The following INAVA variants were observed in gnomAD, a reference collection of about 807,000 sequenced individuals.
INAVA encodes innate immunity activator protein.
In INAVA, 32 loss-of-function variants were observed where a neutral mutation model predicts 55.3. The ratio of observed to expected loss-of-function variants is 0.58; its 90% CI spans 0.44 to 0.78. INAVA has a LOEUF of 0.78. Among genes scored for constraint, INAVA ranks in the 30% least tolerant of loss-of-function variants. INAVA has a pLI of 0.00. For synonymous variants in INAVA, 294 were observed against 329.4 expected (o/e 0.89, Z 1.16); for missense variants, 756 against 786.4 (o/e 0.96, Z 0.46).
At chr1:200,903,745 G>A (rs12759739) in intron 5 of INAVA, among the ~76,000 whole-genome samples, 4,547 of 149,226 alleles carry the variant, frequency 0.03, 87 homozygotes, top group Non-Finnish European at 0.046. Context: ...CGGAGGTTGC[G>A]GTGAGCCGAG....
At chr1:200,900,846 G>T (rs1653216316) in intron 4 of INAVA, 91 bp from the exon 5 acceptor site, 1 of 955,232 alleles carries the variant, frequency 1.0e-6, no homozygotes, top group Non-Finnish European at 1.5e-6. Context: ...TTAGGACTGG[G>T]ACCTAGAGCA....
At chr1:200,900,465 A>G (rs553705290) in intron 4 of INAVA, among the ~76,000 whole-genome samples, 18 of 152,332 alleles carry the variant, frequency 1.2e-4, no homozygotes, top group Admixed American at 2.0e-4. Context: ...CCCATTGGGC[A>G]GAAGATCAGT....
At position 200,901,121 on chromosome 1, in the gene INAVA, G is replaced by A. The variant is rs972711786; in HGVS notation, c.482G>A (p.Ser161Asn). Residue 161 changes from serine to asparagine, a missense_variant, in exon 5 of 10, where the codon AGC becomes AAC. Ser to Asn is a conservative substitution (Grantham distance 46). Around this residue, in one of 2 missense-constraint regions of INAVA, gnomAD observed 639 missense variants for 624.3 expected, o/e 1.02. Coordinates refer to ENST00000413687, the MANE Select transcript of INAVA (RefSeq NM_001142569.3). ...TGCCTGGTCGAGCGGCGGCGCAATA[G>A]CGAGCCACCTCCGGCTGCTGCTCTC... ...QRCLVERRRN[S>N]EPPPAAALPL... 190 of 1,529,888 alleles carry A rather than the reference G, an allele frequency of 1.2e-4. No homozygotes were observed. The highest frequency in any genetic ancestry group is 1.6e-4 in the Non-Finnish European group (183 of 1,142,508). The allele number at this position is 1,529,888 out of a possible 1,614,324, so 94.8% of individuals were successfully genotyped here. A position where few individuals can be genotyped will look rare whatever the true frequency, so the allele number is the denominator to read the frequency against.
At chr1:200,908,535 G>A (rs1383432537) in intron 6 of INAVA, 195 bp from the exon 7 acceptor site, 4 of 506,662 alleles carry the variant, frequency 7.9e-6, no homozygotes, top group Non-Finnish European at 1.4e-5. Flanking sequence ...ATAAAATAGG[G>A]CTGTGTGGGA....
chr1:200,902,443 T>A (rs1296469427), intron 5 of INAVA, among the ~76,000 whole-genome samples: 1 of 152,218 alleles, frequency 6.6e-6, no homozygotes, highest in African/African-American at 2.4e-5. Context: ...ATGTGACAGT[T>A]AACCCAGTAA....
Position 200,911,441 on chromosome 1 carries a change from T to G in INAVA, c.960-12T>G. On this transcript the variant is annotated splice_polypyrimidine_tract_variant and intron_variant, in intron 8 of 9. Transcript: ENST00000413687. ...CCCCCCACACTCAGAATGCCTCTCT[T>G]TCCCTCTTCAGGGTGGATTCCTTCC... 1 of 1,603,684 alleles carries G rather than the reference T, an allele frequency of 6.2e-7. No individual in the cohort carries two copies. Among genetic ancestry groups the G allele is most frequent in the Non-Finnish European group, 8.5e-7 (1 of 1,172,640 alleles).
At chr1:200,897,419 C>T (rs1240865300) in intron 1 of INAVA, among the ~76,000 whole-genome samples, 3 of 152,168 alleles carry the variant, frequency 2.0e-5, no homozygotes, top group Non-Finnish European at 4.4e-5. Context: ...ACAGTGGCTG[C>T]ACATATCTGC....
At chr1:200,903,557 C>G (rs913290820) in intron 5 of INAVA, among the ~76,000 whole-genome samples, 2 of 151,798 alleles carry the variant, frequency 1.3e-5, no homozygotes, top group African/African-American at 4.8e-5. Context: ...GTAATCCCAG[C>G]ACTTTGGGAG....
At chr1:200,902,115 C>T (rs979009404) in intron 5 of INAVA, among the ~76,000 whole-genome samples, 1 of 151,986 alleles carries the variant, frequency 6.6e-6, no homozygotes, top group African/African-American at 2.4e-5. Flanking sequence ...AGGCCGTGGC[C>T]CTGCAAAAAA....
In INAVA at chr1:200,910,971, T is replaced by A. The variant is rs191627817; in HGVS notation, c.960-482T>A. Among the ~76,000 whole-genome samples, 570 of 152,306 alleles carry A rather than the reference T, an allele frequency of 3.7e-3. 16 individuals carry two copies. Among genetic ancestry groups the A allele is most frequent in the East Asian group, 0.03 (157 of 5,184 alleles). ...CTGGCAGTGCCTACCGAACAGATGC[T>A]GTGGATGATCTGCCACTGGACACGG... is the stretch of plus-strand genomic sequence containing the variant. On this transcript the variant is annotated intron_variant, in intron 8 of 9. Coordinates refer to ENST00000413687, the MANE Select transcript of INAVA (RefSeq NM_001142569.3).
intron 1 of INAVA, among the ~76,000 whole-genome samples, chr1:200,896,327 T>C (rs1233313861): frequency 7.0e-6 from 1 of 142,980 alleles, no homozygotes; most frequent in East Asian, 2.4e-4. Flanking sequence ...TGCTCTTGGC[T>C]TCTGGGGAGG....
At chr1:200,902,396 G>A (rs1462965963) in intron 5 of INAVA, among the ~76,000 whole-genome samples, 2 of 152,196 alleles carry the variant, frequency 1.3e-5, no homozygotes, top group African/African-American at 2.4e-5. Context: ...GTCACCTCCC[G>A]CAGCCAAGAG....
rs10920063 is a variant in INAVA at position 200,908,652 on chromosome 1, G to A, written c.575-78G>A. The A allele has an allele frequency of 2.3e-4, 296 of 1,259,934 alleles. 1 individual carries two copies. The African/African-American group carries it at 4.2e-3, about 18-fold the overall frequency. 78.0% of individuals were successfully genotyped at this position (1,259,934 alleles called of 1,614,324 possible). ...CATGGGAGGGAGAGCGGCGAGGCATGGGCTGTGGTTTGTGGAGGTTCTTGT... is the reference window on the plus strand; with the variant it reads ...CATGGGAGGGAGAGCGGCGAGGCATAGGCTGTGGTTTGTGGAGGTTCTTGT... On this transcript the variant is annotated intron_variant, in intron 6 of 9. Transcript: ENST00000413687.
upstream of INAVA, among the ~76,000 whole-genome samples, chr1:200,893,527 G>C (rs577391204): frequency 6.6e-6 from 1 of 152,280 alleles, no homozygotes; most frequent in East Asian, 1.9e-4. Context: ...GGGACGGTGT[G>C]TCACGGAGGA....
intron 8 of INAVA, 83 bp from the exon 9 acceptor site, chr1:200,911,370 C>T: frequency 3.9e-6 from 5 of 1,291,292 alleles, no homozygotes; most frequent in Non-Finnish European, 5.5e-6. Context: ...CAGGACTCAC[C>T]TGTTTTAACT....
rs1013730475 is a variant in INAVA at position 200,894,979 on chromosome 1, A to G, written c.-203A>G. On this transcript the variant is annotated 5_prime_UTR_variant, in exon 1 of 10. Coordinates refer to ENST00000413687, the MANE Select transcript of INAVA (RefSeq NM_001142569.3). The stretch of plus-strand genomic sequence containing the variant: ...CAGCAGCTCCGTCAGCTGGAGAGAG[A>G]GCACAGGCCTGTGGCTTGGGAGACC... 1 of 985,434 alleles carries G rather than the reference A, an allele frequency of 1.0e-6. No individual in the cohort carries two copies. Among genetic ancestry groups the G allele is most frequent in the Non-Finnish European group, 1.2e-6 (1 of 830,010 alleles). The allele number at this position is 985,434 out of a possible 1,614,324, so 61.0% of individuals were successfully genotyped here.
chr1:200,896,727 G>A (rs1331541572), intron 1 of INAVA, among the ~76,000 whole-genome samples: 1 of 152,216 alleles, frequency 6.6e-6, no homozygotes, highest in Non-Finnish European at 1.5e-5. Flanking sequence ...GATGGGTGGA[G>A]AGGTATCACC....
chr1:200,893,094 A>G (rs987924482), upstream of INAVA, among the ~76,000 whole-genome samples: 4 of 152,214 alleles, frequency 2.6e-5, no homozygotes, highest in African/African-American at 9.7e-5. Context: ...TTTTAACATC[A>G]CCTTTAGTTA....
In INAVA at chr1:200,910,142, T is replaced by C. The variant is rs1449113383; in HGVS notation, c.959+745T>C. Among the ~76,000 whole-genome samples, 6 of 152,286 alleles carry C rather than the reference T, an allele frequency of 3.9e-5. No individual in the cohort carries two copies. In the East Asian group the frequency reaches 1.2e-3, roughly 29 times the overall value. ...CTAATCAAAGCAAAAACACACACAG[T>C]ACATAAATATGCCACAAAAAGGACA... On this transcript the variant is annotated intron_variant, in intron 8 of 9. Coordinates refer to ENST00000413687, the MANE Select transcript of INAVA (RefSeq NM_001142569.3).
Sources: gnomAD v4.1 joint callset for allele counts (sites outside exome capture counted in the v4.1 genomes callset) on GRCh38, gnomAD v4.1.1 for gene constraint, gnomAD v4.1.1 regional missense constraint, MANE v1.5 for transcripts, NCBI Gene and HGNC (gene_info 2026-07-23, HGNC 2026-07-21) for gene names.